SYCP1: variants seen among roughly 807,000 people sequenced by gnomAD.
SYCP1 encodes the protein synaptonemal complex protein 1.
In SYCP1, 64 loss-of-function variants were observed where a neutral mutation model predicts 153.1. The ratio of observed to expected loss-of-function variants is 0.42; its 90% CI spans 0.34 to 0.51. SYCP1 has a LOEUF of 0.51. SYCP1 is among the 20% of genes least tolerant of loss of function. The probability of loss-of-function intolerance (pLI) is 0.06; values close to 1 mark genes in which losing one functional copy is unlikely to be tolerated. For missense variants in SYCP1, 997 were observed against 1,049.0 expected, an observed-to-expected ratio of 0.95 and a Z score of 0.68; for synonymous variants, 384 against 341.8, an observed-to-expected ratio of 1.12 and a Z score of -1.36.
chr1:114,881,058 C>T (rs632854), intron 12 of SYCP1, among the ~76,000 whole-genome samples: 7,812 of 42,444 alleles, frequency 0.18, 280 homozygotes, highest in East Asian at 0.35. Flanking sequence ...TGTGTATATA[C>T]ACACACACAC....
chr1:114,915,006 C>T (rs1367414519), intron 20 of SYCP1, among the ~76,000 whole-genome samples: 2 of 150,922 alleles, frequency 1.3e-5, no homozygotes, highest in Non-Finnish European at 2.9e-5. Context: ...TGCAGTTAAT[C>T]AGAAAATGCC....
intron 5 of SYCP1, 136 bp downstream of exon 5, chr1:114,857,633 T>G (rs1664096939): frequency 3.2e-6 from 2 of 630,154 alleles, no homozygotes; most frequent in Non-Finnish European, 4.8e-6. Context: ...AAAACCTTTT[T>G]TTCTGCTTCT....
chr1:114,879,306 A>G (rs1018208463), intron 12 of SYCP1, among the ~76,000 whole-genome samples: 7 of 152,200 alleles, frequency 4.6e-5, no homozygotes, highest in Non-Finnish European at 8.8e-5. Flanking sequence ...TCTTGTCTTC[A>G]CATGGCAAAT....
chr1:114,859,157 G>C (rs1255750718), intron 6 of SYCP1, among the ~76,000 whole-genome samples: 1 of 151,936 alleles, frequency 6.6e-6, no homozygotes, highest in Non-Finnish European at 1.5e-5. Flanking sequence ...GCACCATCTC[G>C]GCTCACTGCA....
At chr1:114,945,557 T>C (rs535123332) in intron 25 of SYCP1, among the ~76,000 whole-genome samples, 1 of 151,692 alleles carries the variant, frequency 6.6e-6, no homozygotes, top group East Asian at 1.9e-4. Flanking sequence ...GTGGTGAGGA[T>C]TTAAAAAATA....
At chr1:114,856,547 A>G in intron 2 of SYCP1, 26 bp from the exon 3 acceptor site, 1 of 1,550,810 alleles carries the variant, frequency 6.4e-7, no homozygotes, top group Non-Finnish European at 8.9e-7. Flanking sequence ...GAAACAGAAT[A>G]TTTAAGAACT....
chr1:114,990,589 G>A (rs1236622577), intron 30 of SYCP1, among the ~76,000 whole-genome samples: 3 of 151,756 alleles, frequency 2.0e-5, no homozygotes, highest in Non-Finnish European at 4.4e-5. Flanking sequence ...CCTTTAGCTA[G>A]AGAGAGAGAA....
rs557577501 is a variant in SYCP1, at chr1:114,982,339, C to G, written c.2559+827C>G. On this transcript the variant is annotated intron_variant, in intron 29 of 31. Transcript: ENST00000369522. Reference sequence around the variant, plus strand: ...CATCCCACTAAGTTTAAATGTTACGCCTTTTCCTTCTCAGTTTCCCAGTTG... The same window carrying G: ...CATCCCACTAAGTTTAAATGTTACGGCTTTTCCTTCTCAGTTTCCCAGTTG... Among the ~76,000 whole-genome samples the G allele has an allele frequency of 2.6e-5, 4 of 152,004 alleles. No individual in the cohort carries two copies. In the South Asian group the frequency reaches 8.3e-4, roughly 32 times the overall value.
chr1:114,950,131 A>T (rs894924404), intron 27 of SYCP1, among the ~76,000 whole-genome samples: 1 of 152,176 alleles, frequency 6.6e-6, no homozygotes, highest in Non-Finnish European at 1.5e-5. Flanking sequence ...GTTTTGCCCA[A>T]TGGAATGTGA....
intron 27 of SYCP1, among the ~76,000 whole-genome samples, chr1:114,956,767 G>A (rs1671461392): frequency 6.6e-6 from 1 of 152,200 alleles, no homozygotes; most frequent in Admixed American, 6.5e-5. Context: ...TGGACTTAGA[G>A]CATCCTCTAG....
At chr1:114,967,057 C>T (rs976828991) in intron 27 of SYCP1, among the ~76,000 whole-genome samples, 5 of 152,018 alleles carry the variant, frequency 3.3e-5, no homozygotes, top group Non-Finnish European at 4.4e-5. Flanking sequence ...TAATGATTTC[C>T]GTTCTTTTGC....
intron 29 of SYCP1, among the ~76,000 whole-genome samples, chr1:114,983,792 A>G (rs185320253): frequency 1.5e-3 from 233 of 152,136 alleles, no homozygotes; most frequent in Non-Finnish European, 2.5e-3. Context: ...GTTCTGAAAA[A>G]AACTGATTCC....
chr1:114,923,826 A>T (rs1413716812), intron 21 of SYCP1, among the ~76,000 whole-genome samples: 1 of 152,190 alleles, frequency 6.6e-6, no homozygotes, highest in Non-Finnish European at 1.5e-5. Context: ...AATATAAAAT[A>T]TATGGATGAC....
intron 8 of SYCP1, among the ~76,000 whole-genome samples, chr1:114,871,541 C>A (rs1665124866): frequency 2.0e-5 from 3 of 151,946 alleles, no homozygotes; most frequent in African/African-American, 7.3e-5. Flanking sequence ...CATTTATAAT[C>A]TAATACATTG....
chr1:114,910,190 A>G (rs1318608150), intron 16 of SYCP1: 2 of 336,838 alleles, frequency 5.9e-6, no homozygotes, highest in Non-Finnish European at 1.1e-5. Flanking sequence ...TAAACAATTA[A>G]TTATTGTGTT....
chr1:114,882,066 G>A (rs900236995), intron 12 of SYCP1, among the ~76,000 whole-genome samples: 2 of 151,886 alleles, frequency 1.3e-5, no homozygotes, highest in East Asian at 1.9e-4. Flanking sequence ...GAAAAAACCC[G>A]TGTTGCATCT....
intron 27 of SYCP1, among the ~76,000 whole-genome samples, chr1:114,975,676 C>G (rs1455608431): frequency 6.6e-6 from 1 of 151,716 alleles, no homozygotes; most frequent in Non-Finnish European, 1.5e-5. Context: ...GTATAGGAAA[C>G]TGTTACTAGA....
At chr1:114,965,055 G>A (rs577642234) in intron 27 of SYCP1, among the ~76,000 whole-genome samples, 7 of 152,162 alleles carry the variant, frequency 4.6e-5, no homozygotes, top group Admixed American at 1.3e-4. Context: ...GTGGTTTGTC[G>A]TTCTCCTTGA....
At chr1:114,859,169 C>T (rs1291227081) in intron 6 of SYCP1, among the ~76,000 whole-genome samples, 1 of 152,120 alleles carries the variant, frequency 6.6e-6, no homozygotes, top group Non-Finnish European at 1.5e-5. Flanking sequence ...CTCACTGCAA[C>T]CTTCGCCTCC....
Sources: gnomAD v4.1 joint callset for allele counts (sites outside exome capture counted in the v4.1 genomes callset) on GRCh38, gnomAD v4.1.1 for gene constraint, MANE v1.5 for transcripts, NCBI Gene and HGNC (gene_info 2026-07-23, HGNC 2026-07-21) for gene names.